Variants in UPP2 observed in about 807,000 individuals in gnomAD.
The protein encoded by UPP2 is UPase 2.
In UPP2, 23 loss-of-function variants were observed where a neutral mutation model predicts 26.7. That is an observed-to-expected ratio of 0.86 (90% CI 0.62 to 1.22). The LOEUF (loss-of-function observed/expected upper bound fraction) is 1.22, where lower values mean the gene tolerates loss of function less well. Ranked by LOEUF, UPP2 falls within the 50% of genes most tolerant of loss-of-function variation. The pLI is 0.00. For missense variants in UPP2, 387 were observed against 396.7 expected (o/e 0.98, Z 0.21); for synonymous variants, 127 against 141.3 (o/e 0.90, Z 0.72).
At chr2:158,128,378 C>G (rs996822494) in intron 6 of UPP2, among the ~76,000 whole-genome samples, 12 of 152,114 alleles carry the variant, frequency 7.9e-5, no homozygotes, top group African/African-American at 2.7e-4. Context: ...GCATGAGGAT[C>G]ATTGATAAAG....
intron 3 of UPP2, among the ~76,000 whole-genome samples, chr2:158,077,797 C>T (rs10193154): frequency 0.062 from 9,432 of 152,056 alleles, 534 homozygotes; most frequent in East Asian, 0.15. Context: ...CAAGTTAAAA[C>T]TTCTGCACAA....
chr2:158,044,720 C>G (rs1047633834), intron 3 of UPP2, among the ~76,000 whole-genome samples: 2 of 152,154 alleles, frequency 1.3e-5, no homozygotes, highest in African/African-American at 4.8e-5. Context: ...GATTTGTACA[C>G]AAGCGTGGGA....
chr2:158,022,104 T>C (rs1248656579), intron 3 of UPP2, among the ~76,000 whole-genome samples: 1 of 151,724 alleles, frequency 6.6e-6, no homozygotes. Context: ...CCTAGATGAG[T>C]GGCTTCTACA....
chr2:158,014,835 G>A (rs959576712), intron 2 of UPP2, among the ~76,000 whole-genome samples: 1 of 152,136 alleles, frequency 6.6e-6, no homozygotes, highest in Admixed American at 6.5e-5. Flanking sequence ...TTGGTTCTAA[G>A]CAACTCTTGA....
chr2:158,051,564 C>G (rs949319814), intron 3 of UPP2, among the ~76,000 whole-genome samples: 4 of 152,074 alleles, frequency 2.6e-5, no homozygotes, highest in Non-Finnish European at 5.9e-5. Flanking sequence ...GGCCAGATCA[C>G]GAGGTCAGGA....
chr2:158,051,521 G>A (rs927247729), intron 3 of UPP2, among the ~76,000 whole-genome samples: 18 of 152,230 alleles, frequency 1.2e-4, no homozygotes, highest in African/African-American at 3.9e-4. Context: ...GGTGGCTCAC[G>A]CCTGTAATCC....
chr2:158,018,870 G>A (rs193106566), intron 3 of UPP2, among the ~76,000 whole-genome samples: 2 of 152,014 alleles, frequency 1.3e-5, no homozygotes, highest in Admixed American at 6.6e-5. Context: ...CCCAGATGTC[G>A]AAGGAGCCAA....
rs1438634884 is a variant in UPP2, at chr2:158,002,012, A to AAGAAGGTAC, written c.61+6754_61+6762dup. Among the ~76,000 whole-genome samples the AAGAAGGTAC allele has an allele frequency of 2.7e-5, 4 of 150,160 alleles. No homozygotes were observed. In the East Asian group the frequency reaches 7.9e-4, roughly 30 times the overall value. On this transcript the variant is annotated intron_variant, in intron 2 of 9. Transcript: ENST00000605860. ...AGAGAGAGCTGTTACCTTACATGGAAAGAAGGTACTCATATGGAAGGAGGC... is the reference window on the plus strand; with the variant it reads ...AGAGAGAGCTGTTACCTTACATGGAAAGAAGGTACAGAAGGTACTCATATGGAAGGAGGC...
At chr2:158,119,929 T>A (rs1683527137) in intron 4 of UPP2, among the ~76,000 whole-genome samples, 1 of 151,112 alleles carries the variant, frequency 6.6e-6, no homozygotes, top group African/African-American at 2.4e-5. Flanking sequence ...GAGAATTGCT[T>A]GAACCCTGGA....
intron 2 of UPP2, among the ~76,000 whole-genome samples, chr2:158,107,045 GACTATT>G (rs1683211182): frequency 1.3e-5 from 2 of 152,124 alleles, no homozygotes; most frequent in African/African-American, 4.8e-5. Context: ...ACATTACAGA[GACTATT>G]ACTGAGTTTT....
At chr2:158,092,723 AGATT>A (rs1305197456) in intron 3 of UPP2, among the ~76,000 whole-genome samples, 3 of 152,242 alleles carry the variant, frequency 2.0e-5, no homozygotes, top group Admixed American at 6.5e-5. Context: ...AAAACAAGAT[AGATT>A]AAGTTACTTT....
chr2:158,018,879 A>G (rs184384278), intron 3 of UPP2, among the ~76,000 whole-genome samples: 29 of 152,298 alleles, frequency 1.9e-4, no homozygotes, highest in African/African-American at 7.0e-4. Flanking sequence ...CGAAGGAGCC[A>G]AGAAACTAAA....
chr2:158,058,310 A>G (rs1156569785), intron 3 of UPP2, among the ~76,000 whole-genome samples: 2 of 14,634 alleles, frequency 1.4e-4, no homozygotes, highest in African/African-American at 5.7e-4. Flanking sequence ...AAAAAAAAAA[A>G]AAAAAAAAAA....
chr2:158,093,753 T>C (rs751610651), intron 3 of UPP2, among the ~76,000 whole-genome samples: 1 of 152,116 alleles, frequency 6.6e-6, no homozygotes, highest in Non-Finnish European at 1.5e-5. Context: ...GGGTTTATTA[T>C]ACACTGTTGA....
At chr2:158,042,312 C>T (rs1198808657) in intron 3 of UPP2, among the ~76,000 whole-genome samples, 1 of 152,126 alleles carries the variant, frequency 6.6e-6, no homozygotes, top group African/African-American at 2.4e-5. Context: ...CAGGGAAGAA[C>T]AACCCCCCTC....
intron 1 of UPP2, among the ~76,000 whole-genome samples, chr2:158,103,416 A>T (rs1284981864): frequency 6.6e-6 from 1 of 152,172 alleles, no homozygotes; most frequent in Non-Finnish European, 1.5e-5. Context: ...GATTTTAAAA[A>T]CACCAAAGCC....
intron 3 of UPP2, among the ~76,000 whole-genome samples, chr2:158,029,160 T>A (rs1683885126): frequency 6.6e-6 from 1 of 152,248 alleles, no homozygotes; most frequent in Admixed American, 6.5e-5. Flanking sequence ...AGTAAGTTAA[T>A]AAGGACAATT....
chr2:158,095,684 C>T (rs555948528), intron 3 of UPP2, among the ~76,000 whole-genome samples: 10 of 152,192 alleles, frequency 6.6e-5, no homozygotes, highest in African/African-American at 1.4e-4. Flanking sequence ...ATCTCACAGA[C>T]GTGTTGTGAG....
At chr2:158,043,356 A>G (rs902033351) in intron 3 of UPP2, among the ~76,000 whole-genome samples, 2 of 151,864 alleles carry the variant, frequency 1.3e-5, no homozygotes, top group African/African-American at 4.8e-5. Flanking sequence ...CAATCCCGAC[A>G]TTGCAAAAGG....
Sources: allele counts gnomAD v4.1 joint callset (sites outside exome capture counted in the v4.1 genomes callset), GRCh38; gene constraint gnomAD v4.1.1; transcripts MANE v1.5; gene names NCBI Gene and HGNC (gene_info 2026-07-23, HGNC 2026-07-21).